Variants in TENM2 observed in about 807,000 individuals in gnomAD.
TENM2 encodes the protein teneurin-2.
Under a neutral mutation model 245.2 loss-of-function variants are expected in TENM2, and 52 were observed. The ratio of observed to expected loss-of-function variants is 0.21; its 90% CI spans 0.17 to 0.27. The LOEUF is 0.27. Among genes scored for constraint, TENM2 ranks in the 10% least tolerant of loss-of-function variants. The pLI is 1.00. For missense variants in TENM2, 3,046 were observed against 3,666.8 expected (o/e 0.83, Z 4.37); for synonymous variants, 1,363 against 1,438.9 (o/e 0.95, Z 1.19).
At chr5:168,009,739 G>T (rs952241458) in intron 5 of TENM2, among the ~76,000 whole-genome samples, 7 of 152,178 alleles carry the variant, frequency 4.6e-5, no homozygotes, top group African/African-American at 1.7e-4. Context: ...GCCTAAATGT[G>T]GTAGATAATT....
chr5:168,223,803 A>G (rs1763892245), intron 23 of TENM2, among the ~76,000 whole-genome samples: 1 of 152,144 alleles, frequency 6.6e-6, no homozygotes, highest in Non-Finnish European at 1.5e-5. Context: ...GGGAAAATGC[A>G]AAGAAGAAAA....
At chr5:167,074,547 G>A in the TENM2 span, among the ~76,000 whole-genome samples, 5 of 152,214 alleles carry the variant, frequency 3.3e-5, no homozygotes, top group Non-Finnish European at 7.3e-5. Context: ...AATTAAATGA[G>A]ATGATGCAAT....
chr5:168,225,960 C>G, intron 23 of TENM2, 128 bp from the exon 26 acceptor site: 1 of 729,640 alleles, frequency 1.4e-6, no homozygotes, highest in Non-Finnish European at 2.2e-6. Context: ...CGAGGGGCCT[C>G]AGTGAGATGC....
intron 25 of TENM2, chr5:168,241,078 C>A (rs1367440326): frequency 6.6e-6 from 1 of 151,704 alleles, no homozygotes; most frequent in Non-Finnish European, 1.5e-5. Flanking sequence ...AACTTTTGGA[C>A]CTGTTTTTAA....
At chr5:167,887,507 A>C (rs1475248973) in intron 3 of TENM2, among the ~76,000 whole-genome samples, 1 of 152,258 alleles carries the variant, frequency 6.6e-6, no homozygotes, top group African/African-American at 2.4e-5. Flanking sequence ...GGATGTGATC[A>C]CATTTAGAAA....
At chr5:167,451,190 GT>G (rs1490090032) in intron 2 of TENM2, among the ~76,000 whole-genome samples, 1 of 152,058 alleles carries the variant, frequency 6.6e-6, no homozygotes, top group Non-Finnish European at 1.5e-5. Context: ...TTGGTGTGCC[GT>G]TTCTCATATT....
At chr5:167,392,994 C>T (rs535306073) in intron 2 of TENM2, among the ~76,000 whole-genome samples, 21 of 151,936 alleles carry the variant, frequency 1.4e-4, no homozygotes, top group Non-Finnish European at 2.1e-4. Flanking sequence ...TGGTGGAGGG[C>T]ACCTGTAATC....
At chr5:167,258,338 G>A in the TENM2 span, among the ~76,000 whole-genome samples, 10 of 151,494 alleles carry the variant, frequency 6.6e-5, no homozygotes, top group East Asian at 1.9e-3. Flanking sequence ...AAAATAAAAA[G>A]GGTAAACTTT....
intron 2 of TENM2, among the ~76,000 whole-genome samples, chr5:167,460,018 G>A (rs556161346): frequency 2.6e-5 from 4 of 151,616 alleles, no homozygotes; most frequent in South Asian, 2.1e-4. Context: ...TGAAAAATAC[G>A]ACACATTGAG....
intron 5 of TENM2, among the ~76,000 whole-genome samples, chr5:168,042,717 C>G (rs1270979973): frequency 6.6e-6 from 1 of 152,184 alleles, no homozygotes; most frequent in African/African-American, 2.4e-5. Flanking sequence ...CACACCCTCA[C>G]TCCACGTAGG....
At chr5:167,564,349 G>A (rs956329395) in intron 2 of TENM2, among the ~76,000 whole-genome samples, 2 of 151,912 alleles carry the variant, frequency 1.3e-5, no homozygotes, top group African/African-American at 4.8e-5. Flanking sequence ...GTGAGGGAGA[G>A]ATTAGTGGAG....
intron 2 of TENM2, among the ~76,000 whole-genome samples, chr5:167,539,634 G>T (rs1367313932): frequency 2.0e-5 from 3 of 152,100 alleles, no homozygotes; most frequent in Non-Finnish European, 2.9e-5. Flanking sequence ...AGTAGGACTG[G>T]TTGATCAAGC....
intron 2 of TENM2, among the ~76,000 whole-genome samples, chr5:167,408,196 C>T (rs1363320752): frequency 6.6e-6 from 1 of 152,070 alleles, no homozygotes; most frequent in Non-Finnish European, 1.5e-5. Context: ...TCCACCTCTG[C>T]CAAAGTATGA....
intron 2 of TENM2, among the ~76,000 whole-genome samples, chr5:167,687,191 A>C (rs1428144329): frequency 1.3e-5 from 2 of 152,186 alleles, no homozygotes; most frequent in African/African-American, 2.4e-5. Flanking sequence ...GAAATGGTTT[A>C]AGTTTGATTT....
At chr5:167,633,211 G>T in intron 2 of TENM2, among the ~76,000 whole-genome samples, 1 of 152,164 alleles carries the variant, frequency 6.6e-6, no homozygotes, top group East Asian at 1.9e-4. Flanking sequence ...AGCTAACAAT[G>T]CAGAACCTGA....
chr5:167,393,752 G>T (rs1201988497), intron 2 of TENM2, among the ~76,000 whole-genome samples: 1 of 152,168 alleles, frequency 6.6e-6, no homozygotes, highest in African/African-American at 2.4e-5. Context: ...TGAGAATATA[G>T]TGGAAGAAGA....
At chr5:167,688,926 C>G (rs1225066869) in intron 2 of TENM2, among the ~76,000 whole-genome samples, 1 of 152,222 alleles carries the variant, frequency 6.6e-6, no homozygotes, top group Admixed American at 6.5e-5. Context: ...TAAGTTTACA[C>G]TAAATGCTGA....
chr5:167,385,987 C>T (rs538723552), intron 2 of TENM2, among the ~76,000 whole-genome samples: 4 of 151,742 alleles, frequency 2.6e-5, no homozygotes, highest in Non-Finnish European at 4.4e-5. Context: ...GCTATAAACA[C>T]GCGTGTGCAA....
rs151026192 is a variant in TENM2 at position 168,038,301 on chromosome 5, G to A, written c.1187-9126G>A. Among the ~76,000 whole-genome samples, 826 of 152,302 alleles carry A rather than the reference G, an allele frequency of 5.4e-3. 5 individuals are homozygous for A. The highest frequency in any genetic ancestry group is 0.019 in the African/African-American group (795 of 41,560). ...CAAAACAACCCAAGACCCAGCAGGAGGTGAGATGTTTCTTGAGTGCCTCCT... is the reference window on the plus strand; with the variant it reads ...CAAAACAACCCAAGACCCAGCAGGAAGTGAGATGTTTCTTGAGTGCCTCCT... On this transcript the variant is annotated intron_variant, in intron 5 of 28. Coordinates refer to ENST00000518659, the Ensembl canonical transcript of TENM2.
Sources: gnomAD v4.1 joint callset for allele counts (sites outside exome capture counted in the v4.1 genomes callset) on GRCh38, gnomAD v4.1.1 for gene constraint, MANE v1.5 for transcripts, NCBI Gene and HGNC (gene_info 2026-07-23, HGNC 2026-07-21) for gene names.